The following CC2D1A variants were observed in gnomAD, a reference collection of about 807,000 sequenced individuals.
The protein encoded by CC2D1A is coiled-coil and C2 domain-containing protein 1A.
Under a neutral mutation model 123.8 loss-of-function variants are expected in CC2D1A, and 68 were observed. The ratio of observed to expected loss-of-function variants is 0.55; its 90% CI spans 0.45 to 0.67. The LOEUF is 0.67. CC2D1A is among the 30% of genes least tolerant of loss of function. The pLI is 0.00. For synonymous variants in CC2D1A, 477 were observed against 528.0 expected (o/e 0.90, Z 1.32); for missense variants, 1,185 against 1,290.3 (o/e 0.92, Z 1.25).
At position 13,913,392 on chromosome 19, in the gene CC2D1A, G is replaced by A. The variant is rs1286098796; in HGVS notation, c.514-12G>A. The A allele has an allele frequency of 7.4e-6, 12 of 1,612,982 alleles. No homozygotes were observed. Among genetic ancestry groups the A allele is most frequent in the East Asian group, 2.2e-5 (1 of 44,874 alleles). ...TGGCTTCTCCCAAACCAATACTCAC[G>A]CCTTATCTTAGACACTGGAAAACCT... On this transcript the variant is annotated splice_polypyrimidine_tract_variant and intron_variant, in intron 5 of 28. Coordinates refer to ENST00000318003, the MANE Select transcript of CC2D1A (RefSeq NM_017721.5).
At position 13,925,918 on chromosome 19, in the gene CC2D1A, T is replaced by TAA. The variant is rs34627490; in HGVS notation, c.1941-584_1941-583dup. On this transcript the variant is annotated intron_variant, in intron 17 of 28. Coordinates refer to ENST00000318003, the MANE Select transcript of CC2D1A (RefSeq NM_017721.5). ...CTGGGCGACAGAGCAAGACTCTGTCTAAAAAAAAAAAAAAAATATATATAT... is the reference window on the plus strand; with the variant it reads ...CTGGGCGACAGAGCAAGACTCTGTCTAAAAAAAAAAAAAAAAAATATATATAT... Among the ~76,000 whole-genome samples the TAA allele has an allele frequency of 2.5e-3, 137 of 55,258 alleles. 3 individuals carry two copies. Among genetic ancestry groups the TAA allele is most frequent in the East Asian group, 0.015 (38 of 2,452 alleles). 36.3% of individuals were successfully genotyped at this position (55,258 alleles called of 152,430 possible).
At chr19:13,916,187 G>A (rs1277847320) in intron 6 of CC2D1A, among the ~76,000 whole-genome samples, 1 of 152,104 alleles carries the variant, frequency 6.6e-6, no homozygotes, top group Non-Finnish European at 1.5e-5. Flanking sequence ...AACCCAGAAG[G>A]CAGGGGTTGC....
rs1049936910 is a variant in CC2D1A at position 13,913,285 on chromosome 19, T to C, written c.496T>C (p.Tyr166His). The C allele has an allele frequency of 1.9e-6, 3 of 1,612,998 alleles. No individual in the cohort carries two copies. Among genetic ancestry groups the C allele is most frequent in the Non-Finnish European group, 1.7e-6 (2 of 1,179,592 alleles). Reference sequence around the variant, plus strand: ...TGGAGACAGCGCCAAGATGCGGCGCTACGATCGGGGGCTTAAAGTAAGTGG... The same window carrying C: ...TGGAGACAGCGCCAAGATGCGGCGCCACGATCGGGGGCTTAAAGTAAGTGG... ...QAGDSAKMRRYDRGLKTLENL... is the reference protein window; with the variant it reads ...QAGDSAKMRRHDRGLKTLENL... The change falls in exon 5 of 29, where the codon TAC (tyrosine) becomes CAC (histidine). Residue 166 changes from tyrosine (Y) to histidine (H), a missense_variant. Coordinates refer to ENST00000318003, the MANE Select transcript of CC2D1A (RefSeq NM_017721.5).
At chr19:13,919,247 C>T (rs370918609) in intron 11 of CC2D1A, 45 bp downstream of exon 11, 8 of 1,455,824 alleles carry the variant, frequency 5.5e-6, no homozygotes, top group East Asian at 4.9e-5. Flanking sequence ...GCCCCGCCCC[C>T]GTAGGCCCCG....
At chr19:13,919,301 G>C (rs1971326314) in intron 11 of CC2D1A, 99 bp downstream of exon 11, 1 of 923,640 alleles carries the variant, frequency 1.1e-6, no homozygotes, top group South Asian at 1.6e-5. Flanking sequence ...CCAAGCTCCT[G>C]TTCCTCCAGC....
At position 13,920,681 on chromosome 19, in the gene CC2D1A, T is replaced by G; in HGVS notation, c.1468+13T>G. The G allele has an allele frequency of 1.9e-6, 3 of 1,604,816 alleles. No homozygotes were observed. Among genetic ancestry groups the G allele is most frequent in the Non-Finnish European group, 2.6e-6 (3 of 1,175,376 alleles). ...ACATCCACCAGAGGTAAGTTCCCCC[T>G]CCCCGCCCCAGCTGCCTGTTGCCTG... On this transcript the variant is annotated intron_variant, in intron 13 of 28. Coordinates refer to ENST00000318003, the MANE Select transcript of CC2D1A (RefSeq NM_017721.5).
chr19:13,912,682 T>C (rs8111764), intron 4 of CC2D1A, 89 bp downstream of exon 4: 289,266 of 1,328,742 alleles, frequency 0.22, 33,188 homozygotes, highest in Admixed American at 0.33. Flanking sequence ...AGATGGAGTC[T>C]TGCTGTGTCA....
chr19:13,924,379 C>T (rs1044740273), intron 17 of CC2D1A, among the ~76,000 whole-genome samples: 2 of 151,962 alleles, frequency 1.3e-5, no homozygotes, highest in Non-Finnish European at 2.9e-5. Flanking sequence ...ACCGTGTTAG[C>T]CAGGATGGTC....
intron 17 of CC2D1A, among the ~76,000 whole-genome samples, chr19:13,924,096 G>T (rs1003684609): frequency 6.6e-6 from 1 of 152,196 alleles, no homozygotes; most frequent in East Asian, 1.9e-4. Context: ...GATGAGTCAC[G>T]GCTTTGGTGG....
In CC2D1A at chr19:13,918,757, C is replaced by T; in HGVS notation, c.958C>T (p.Pro320Ser). The T allele has an allele frequency of 1.2e-6, 2 of 1,612,216 alleles. No homozygotes were observed. Among genetic ancestry groups the T allele is most frequent in the Non-Finnish European group, 1.7e-6 (2 of 1,179,134 alleles). The change falls in exon 9 of 29, where the codon CCA (proline) becomes TCA (serine). Residue 320 changes from proline to serine, a missense_variant. By Grantham distance (74) the Pro-to-Ser change is moderately conservative. Coordinates refer to ENST00000318003, the MANE Select transcript of CC2D1A (RefSeq NM_017721.5). ...CTCTCTGTCCCCAGACCAGCTGCCC[C>T]CAGACCCACCGTCACCACCGTCGCA... ...CLPPPPDQLPPDPPSPPSQPP... is the reference protein window; with the variant it reads ...CLPPPPDQLPSDPPSPPSQPP...
Position 13,923,896 on chromosome 19 carries a change from C to A in CC2D1A, c.1940+85C>A. On this transcript the variant is annotated intron_variant, in intron 17 of 28. Coordinates refer to ENST00000318003, the MANE Select transcript of CC2D1A (RefSeq NM_017721.5). The surrounding 1 kb of genome is among the most constrained non-coding windows in gnomAD (Gnocchi z 5.3). ...GCGGGTTGTGCTCCCCAGAAGCTGGCACAAGATTTACATCTGGAAGAAATT... is the reference window on the plus strand; with the variant it reads ...GCGGGTTGTGCTCCCCAGAAGCTGGAACAAGATTTACATCTGGAAGAAATT... The A allele has an allele frequency of 1.0e-6, 1 of 999,802 alleles. No homozygotes were observed. Among genetic ancestry groups the A allele is most frequent in the Non-Finnish European group, 1.6e-6 (1 of 642,342 alleles). 61.9% of individuals were successfully genotyped at this position (999,802 alleles called of 1,614,324 possible).
At chr19:13,918,868 T>C in intron 9 of CC2D1A, 44 bp from the exon 10 acceptor site, 1 of 1,608,906 alleles carries the variant, frequency 6.2e-7, no homozygotes, top group Non-Finnish European at 8.5e-7. Flanking sequence ...CCAGACTGTC[T>C]ACCCATCCGT....
At chr19:13,929,237 C>T in intron 24 of CC2D1A, 142 bp from the exon 25 acceptor site, 1 of 805,318 alleles carries the variant, frequency 1.2e-6, no homozygotes, top group Non-Finnish European at 2.1e-6. Context: ...GAACTCCTGA[C>T]CTCATGATCC....
In CC2D1A at chr19:13,906,613, C is replaced by G; in HGVS notation, c.60+112C>G. ...CCGATCTCCGCCCCACAGGTAAGCC[C>G]CGGTCCCCGCCTCCCCCCAGGTGAG... is the stretch of plus-strand genomic sequence containing the variant. On this transcript the variant is annotated intron_variant, in intron 1 of 28. Transcript: ENST00000318003. The surrounding 1 kb of genome is among the most constrained non-coding windows in gnomAD (Gnocchi z 4.1). 1.7e-6 allele frequency: 1 copy of G among 598,734 alleles called. No homozygotes were observed. Among genetic ancestry groups the G allele is most frequent in the Non-Finnish European group, 2.7e-6 (1 of 368,944 alleles). 37.1% of individuals were successfully genotyped at this position (598,734 alleles called of 1,614,324 possible).
chr19:13,911,160 A>G (rs989498241), intron 2 of CC2D1A, among the ~76,000 whole-genome samples: 2 of 147,624 alleles, frequency 1.4e-5, no homozygotes, highest in African/African-American at 5.0e-5. Flanking sequence ...CAAGAGTTTG[A>G]GGCTGCAGTG....
intron 2 of CC2D1A, among the ~76,000 whole-genome samples, chr19:13,910,276 C>T (rs988448930): frequency 6.0e-5 from 9 of 150,800 alleles, no homozygotes; most frequent in Admixed American, 1.3e-4. Context: ...GGCGTGGTGG[C>T]GGGCGCCTGT....
At position 13,928,157 on chromosome 19, in the gene CC2D1A, G is replaced by A. The variant is rs1480550984; in HGVS notation, c.2488G>A (p.Val830Met). The A allele has an allele frequency of 1.2e-6, 2 of 1,613,158 alleles. No homozygotes were observed. The highest frequency in any genetic ancestry group is 1.7e-5 in the Admixed American group (1 of 59,844). ...TGGGCCCAAAGGGAAGGCCCCTCCT[G>A]TGCCTGCCCCTGCAAGGGAGTCAGG... ...VAGPKGKAPP[V>M]PAPARESGNR... is the part of the protein sequence containing the mutation. The change falls in exon 24 of 29, where the codon GTG becomes ATG. Residue 830 changes from valine (V) to methionine (M), a missense_variant. Transcript: ENST00000318003.
chr19:13,912,619 T>C, intron 4 of CC2D1A, 26 bp downstream of exon 4: 6 of 1,611,930 alleles, frequency 3.7e-6, no homozygotes, highest in Non-Finnish European at 5.1e-6. Context: ...CTCCACTCCC[T>C]TGAACCACAA....
chr19:13,930,524 G>A lies in CC2D1A; in HGVS notation c.*129G>A, dbSNP rs369730008. On this transcript the variant is annotated 3_prime_UTR_variant, in exon 29 of 29. Coordinates refer to ENST00000318003, the MANE Select transcript of CC2D1A (RefSeq NM_017721.5). This position sits in a 1 kb window ranked among gnomAD's most constrained non-coding sequence, Gnocchi z 6.8. The stretch of plus-strand genomic sequence containing the variant: ...TCGGTTCTGGACTCACCCCTCATCC[G>A]GGCCCCCAGCCCCGCCAGAGCCTCC... The A allele has an allele frequency of 2.3e-5, 26 of 1,129,384 alleles. No individual in the cohort carries two copies. Among genetic ancestry groups the A allele is most frequent in the African/African-American group, 2.0e-4 (13 of 63,836 alleles). The allele number at this position is 1,129,384 out of a possible 1,614,324, so 70.0% of individuals were successfully genotyped here.
Sources: allele counts gnomAD v4.1 joint callset (sites outside exome capture counted in the v4.1 genomes callset), GRCh38; gene constraint gnomAD v4.1.1; non-coding constraint Gnocchi (gnomAD v3.1); transcripts MANE v1.5; gene names NCBI Gene and HGNC (gene_info 2026-07-23, HGNC 2026-07-21).